Variants in MAGOH observed in about 807,000 individuals in gnomAD.
The protein encoded by MAGOH is protein mago nashi homolog.
MAGOH carries 3 observed loss-of-function variants against 20.9 expected under a neutral mutation model. That is an observed-to-expected ratio of 0.14 (90% CI 0.07 to 0.37). MAGOH has a LOEUF of 0.37. Ranked by LOEUF, MAGOH falls within the 10% of genes least tolerant of loss-of-function variation. The pLI is 1.00. For missense variants in MAGOH, 66 were observed against 178.1 expected (o/e 0.37, Z 3.58); for synonymous variants, 51 against 61.0 (o/e 0.84, Z 0.76).
intron 3 of MAGOH, 32 bp downstream of exon 3, chr1:53,233,510 T>A: frequency 6.7e-7 from 1 of 1,498,942 alleles, no homozygotes; most frequent in Non-Finnish European, 9.3e-7. Flanking sequence ...TTTGTAAGAT[T>A]TCTGCACTAC....
intron 1 of MAGOH, among the ~76,000 whole-genome samples, chr1:53,235,975 G>A (rs933188489): frequency 6.6e-6 from 1 of 152,180 alleles, no homozygotes; most frequent in African/African-American, 2.4e-5. Context: ...CCGACACATA[G>A]GACCTCCTGA....
At chr1:53,230,611 G>A (rs1459364914) in intron 3 of MAGOH, among the ~76,000 whole-genome samples, 1 of 144,798 alleles carries the variant, frequency 6.9e-6, no homozygotes, top group Non-Finnish European at 1.5e-5. Flanking sequence ...TTTTTTCTTT[G>A]TAGAAAAAAA....
chr1:53,228,981 C>T (rs1390514205), intron 3 of MAGOH, 27 bp from the exon 4 acceptor site: 4 of 1,470,962 alleles, frequency 2.7e-6, no homozygotes, highest in Non-Finnish European at 3.8e-6. Context: ...AAATCGAAGT[C>T]AAGTAGAATT....
intron 2 of MAGOH, among the ~76,000 whole-genome samples, chr1:53,234,179 A>G (rs910165091): frequency 6.6e-6 from 1 of 152,088 alleles, no homozygotes; most frequent in African/African-American, 2.4e-5. Flanking sequence ...CTTCTGGAGG[A>G]TGCAAAAACA....
intron 3 of MAGOH, 60 bp downstream of exon 3, chr1:53,233,482 G>T: frequency 8.9e-7 from 1 of 1,125,764 alleles, no homozygotes; most frequent in Non-Finnish European, 1.3e-6. Flanking sequence ...AGTGGAGGAG[G>T]GAGTGTGGGG....
At position 53,229,634 on chromosome 1, in the gene MAGOH, T is replaced by C. The variant is rs77521422; in HGVS notation, c.259-680A>G. 3.4e-3 allele frequency among the ~76,000 whole-genome samples: 510 copies of C among 152,226 alleles called. 9 individuals carry two copies. In the East Asian group the frequency reaches 0.065, roughly 19 times the overall value. On this transcript the variant is annotated intron_variant, in intron 3 of 4. Transcript: ENST00000371470. ...CCTATGTTTTAAAAATACCAAACAA[T>C]TGGACTGGGTGTGGTGACTCATACC...
At chr1:53,229,468 G>A (rs1645575810) in intron 3 of MAGOH, among the ~76,000 whole-genome samples, 1 of 152,106 alleles carries the variant, frequency 6.6e-6, no homozygotes. Flanking sequence ...TGGCCAGGCT[G>A]GTCTCGAACT....
chr1:53,235,947 C>T (rs1164382067), intron 1 of MAGOH, among the ~76,000 whole-genome samples: 1 of 152,146 alleles, frequency 6.6e-6, no homozygotes, highest in African/African-American at 2.4e-5. Flanking sequence ...GAAAACAGGC[C>T]TAGTAACTGA....
At position 53,228,990 on chromosome 1, in the gene MAGOH, T is replaced by G. The variant is rs760862479; in HGVS notation, c.259-36A>C. ...TTTAGAAAATCGAAGTCAAGTAGAATTGGATTATTCATCAAGCACACAGAA... is the reference window on the plus strand; with the variant it reads ...TTTAGAAAATCGAAGTCAAGTAGAAGTGGATTATTCATCAAGCACACAGAA... On this transcript the variant is annotated intron_variant, in intron 3 of 4. Transcript: ENST00000371470. 3.6e-6 allele frequency: 5 copies of G among 1,382,014 alleles called. No homozygotes were observed. In the South Asian group the frequency reaches 5.8e-5, roughly 16 times the overall value. 85.6% of individuals were successfully genotyped at this position (1,382,014 alleles called of 1,614,324 possible).
chr1:53,230,931 A>C (rs561037950), intron 3 of MAGOH, among the ~76,000 whole-genome samples: 1 of 152,216 alleles, frequency 6.6e-6, no homozygotes, highest in Non-Finnish European at 1.5e-5. Flanking sequence ...TATTCCTATA[A>C]ACAATGTAGC....
At chr1:53,236,864 C>T (rs755290854) in intron 1 of MAGOH, among the ~76,000 whole-genome samples, 1 of 152,040 alleles carries the variant, frequency 6.6e-6, no homozygotes, top group African/African-American at 2.4e-5. Flanking sequence ...ATCCTATCAA[C>T]GATCAAAGTC....
At position 53,226,998 on chromosome 1, in the gene MAGOH, A is replaced by G; in HGVS notation, c.*47T>C. The G allele has an allele frequency of 9.8e-7, 1 of 1,023,208 alleles. No individual in the cohort carries two copies. The allele number at this position is 1,023,208 out of a possible 1,614,324, so 63.4% of individuals were successfully genotyped here. A position where few individuals can be genotyped will look rare whatever the true frequency, so the allele number is the denominator to read the frequency against. On this transcript the variant is annotated 3_prime_UTR_variant, in exon 5 of 5. Coordinates refer to ENST00000371470, the MANE Select transcript of MAGOH (RefSeq NM_002370.4). ...AAAAAATACTGCCCTGATATACACA[A>G]AATTTTCTACTCCCACCCACCCCCC...
chr1:53,227,242 G>T, intron 4 of MAGOH, 98 bp from the exon 5 acceptor site: 1 of 532,242 alleles, frequency 1.9e-6, no homozygotes, highest in Non-Finnish European at 3.3e-6. Context: ...TATATTATGA[G>T]GTAATTTAAA....
chr1:53,229,857 T>A (rs950939891), intron 3 of MAGOH, among the ~76,000 whole-genome samples: 1 of 152,192 alleles, frequency 6.6e-6, no homozygotes, highest in African/African-American at 2.4e-5. Context: ...AGGTCAAGGC[T>A]GCAGTGAGCC....
At chr1:53,228,636 A>G (rs1645572024) in intron 4 of MAGOH, among the ~76,000 whole-genome samples, 1 of 152,086 alleles carries the variant, frequency 6.6e-6, no homozygotes, top group African/African-American at 2.4e-5. Context: ...GCATTAATCT[A>G]TATGTGTGTG....
chr1:53,238,103 G>A (rs146498551), intron 1 of MAGOH, among the ~76,000 whole-genome samples: 33 of 152,306 alleles, frequency 2.2e-4, no homozygotes, highest in African/African-American at 7.7e-4. Flanking sequence ...CCACGAGAGG[G>A]GAAGTTTGTC....
chr1:53,233,659 G>C lies in MAGOH; in HGVS notation c.148-7C>G, dbSNP rs371237780. On this transcript the variant is annotated splice_region_variant and splice_polypyrimidine_tract_variant and intron_variant, in intron 2 of 4. Transcript: ENST00000371470. The stretch of plus-strand genomic sequence containing the variant: ...CGCTTTTATGTACATAAGCCTGAAC[G>C]CAAGTTAAAAAACAAAATGTATGTT... The C allele has an allele frequency of 3.8e-6, 6 of 1,579,610 alleles. No individual in the cohort carries two copies. Among genetic ancestry groups the C allele is most frequent in the Non-Finnish European group, 5.2e-6 (6 of 1,149,972 alleles).
chr1:53,228,741 A>G (rs767780490), intron 4 of MAGOH, 131 bp downstream of exon 4: 4 of 695,578 alleles, frequency 5.8e-6, no homozygotes, highest in Non-Finnish European at 1.0e-5. Context: ...CCCTAACAAG[A>G]AGGACAAAGC....
intron 2 of MAGOH, chr1:53,233,887 T>G (rs888630979): frequency 2.6e-6 from 1 of 381,882 alleles, no homozygotes; most frequent in Non-Finnish European, 4.8e-6. Flanking sequence ...GTACATCCTG[T>G]TCACATGGCC....
Sources: gnomAD v4.1 joint callset for allele counts (sites outside exome capture counted in the v4.1 genomes callset) on GRCh38, gnomAD v4.1.1 for gene constraint, MANE v1.5 for transcripts, NCBI Gene and HGNC (gene_info 2026-07-23, HGNC 2026-07-21) for gene names.